The following HSD17B3 variants were observed in gnomAD, a reference collection of about 807,000 sequenced individuals.
HSD17B3 encodes hydroxysteroid 17-beta dehydrogenase 3, also known as 17-beta-hydroxysteroid dehydrogenase type 3.
A neutral mutation model predicts 41.1 loss-of-function variants in HSD17B3; 29 were observed. The observed-to-expected ratio is 0.71, with a 90% CI of 0.53 to 0.96. HSD17B3 has a LOEUF of 0.96. HSD17B3 is among the 40% of genes least tolerant of loss of function. HSD17B3 has a pLI of 0.00. For missense variants in HSD17B3, 323 were observed against 374.6 expected (o/e 0.86, Z 1.14); for synonymous variants, 126 against 145.6 (o/e 0.87, Z 0.97).
chr9:96,261,980 A>G (rs925464757), intron 2 of HSD17B3, among the ~76,000 whole-genome samples: 1 of 152,182 alleles, frequency 6.6e-6, no homozygotes, highest in African/African-American at 2.4e-5. Flanking sequence ...CTACGAAGTG[A>G]AACCATGTTT....
rs1263935409 is a variant in HSD17B3 at position 96,278,551 on chromosome 9, G to A, written c.201+19865C>T. Reference sequence around the variant, plus strand: ...TGTGGAGAGGGTGGGTGCTGCGTGGGGCTTGAGTGGGGCCACCCTGCTTGT... The same window carrying A: ...TGTGGAGAGGGTGGGTGCTGCGTGGAGCTTGAGTGGGGCCACCCTGCTTGT... On this transcript the variant is annotated intron_variant, in intron 2 of 10. Coordinates refer to ENST00000375263, the MANE Select transcript of HSD17B3 (RefSeq NM_000197.2). 2.6e-5 allele frequency among the ~76,000 whole-genome samples: 4 copies of A among 152,048 alleles called. No homozygotes were observed. In the East Asian group the frequency reaches 7.7e-4, roughly 29 times the overall value.
In HSD17B3 at chr9:96,289,992, C is replaced by T. The variant is rs563781832; in HGVS notation, c.201+8424G>A. Among the ~76,000 whole-genome samples the T allele has an allele frequency of 3.3e-5, 5 of 152,078 alleles. No homozygotes were observed. The East Asian group carries it at 9.7e-4, about 29-fold the overall frequency. On this transcript the variant is annotated intron_variant, in intron 2 of 10. Coordinates refer to ENST00000375263, the MANE Select transcript of HSD17B3 (RefSeq NM_000197.2). ...GGTGCTTGTAGCTGCTAATCTACAG[C>T]GGGTAGTGGGAATGCCAGGAAAAAC...
intron 1 of HSD17B3, among the ~76,000 whole-genome samples, chr9:96,299,358 G>A (rs772410280): frequency 8.5e-5 from 13 of 152,248 alleles, no homozygotes; most frequent in East Asian, 1.9e-4. Context: ...GTGTCTGTTC[G>A]TTTAGGAACT....
intron 6 of HSD17B3, among the ~76,000 whole-genome samples, chr9:96,246,873 T>C (rs751006131): frequency 2.8e-4 from 42 of 152,126 alleles, no homozygotes; most frequent in Non-Finnish European, 3.5e-4. Context: ...AGTGAAAAAT[T>C]GGGGGAATTG....
intron 2 of HSD17B3, among the ~76,000 whole-genome samples, chr9:96,272,405 C>CTCTCTCTCTATATATA (rs1239816824): frequency 9.3e-5 from 2 of 21,538 alleles, no homozygotes; most frequent in Non-Finnish European, 1.8e-4. Context: ...CTCTCTCTCT[C>CTCTCTCTCTATATATA]TATATATATA....
intron 2 of HSD17B3, among the ~76,000 whole-genome samples, chr9:96,297,224 T>C (rs1827398531): frequency 6.6e-6 from 1 of 152,106 alleles, no homozygotes. Flanking sequence ...CAATGGAATT[T>C]TACAGTTTTC....
chr9:96,294,454 G>A (rs1827272897), intron 2 of HSD17B3, among the ~76,000 whole-genome samples: 1 of 152,182 alleles, frequency 6.6e-6, no homozygotes, highest in African/African-American at 2.4e-5. Flanking sequence ...ATTGCTTTGT[G>A]AAACAATAAA....
chr9:96,276,468 A>T (rs2130770188), intron 2 of HSD17B3, among the ~76,000 whole-genome samples: 1 of 152,314 alleles, frequency 6.6e-6, no homozygotes, highest in African/African-American at 2.4e-5. Flanking sequence ...CAAGAAGAAC[A>T]AAGTGGGAAG....
At chr9:96,242,129 T>C (rs1238560167) in intron 9 of HSD17B3, among the ~76,000 whole-genome samples, 1 of 152,146 alleles carries the variant, frequency 6.6e-6, no homozygotes, top group Non-Finnish European at 1.5e-5. Flanking sequence ...TATGAATCAA[T>C]TAATCCAAAT....
chr9:96,295,869 A>G (rs1442632043), intron 2 of HSD17B3, among the ~76,000 whole-genome samples: 1 of 152,022 alleles, frequency 6.6e-6, no homozygotes, highest in African/African-American at 2.4e-5. Context: ...CTAACCCCCA[A>G]TGAGATGACA....
At chr9:96,289,997 A>G (rs972385251) in intron 2 of HSD17B3, among the ~76,000 whole-genome samples, 10 of 152,102 alleles carry the variant, frequency 6.6e-5, no homozygotes, top group African/African-American at 2.4e-4. Context: ...TACAGCGGGT[A>G]GTGGGAATGC....
At chr9:96,278,324 C>T (rs1465352261) in intron 2 of HSD17B3, among the ~76,000 whole-genome samples, 2 of 152,094 alleles carry the variant, frequency 1.3e-5, no homozygotes, top group African/African-American at 4.8e-5. Context: ...CGTTCGTTAA[C>T]TTGATTATGG....
rs779510189 is a variant in HSD17B3 at position 96,302,137 on chromosome 9, C to T, written c.-33G>A. The T allele has an allele frequency of 2.2e-5, 36 of 1,610,324 alleles. No individual in the cohort carries two copies. The highest frequency in any genetic ancestry group is 3.0e-5 in the Non-Finnish European group (35 of 1,178,218). ...CTCAACAGACTGTTTCAGCCCTGGC[C>T]GTGGCTCTCTGTGTATGCCTCCTGG... On this transcript the variant is annotated 5_prime_UTR_variant, in exon 1 of 11. Coordinates refer to ENST00000375263, the MANE Select transcript of HSD17B3 (RefSeq NM_000197.2).
chr9:96,252,279 T>C (rs1825448329), intron 4 of HSD17B3, among the ~76,000 whole-genome samples: 1 of 152,160 alleles, frequency 6.6e-6, no homozygotes, highest in African/African-American at 2.4e-5. Context: ...GTGCAGTGGC[T>C]CACACCTGTA....
intron 2 of HSD17B3, among the ~76,000 whole-genome samples, chr9:96,264,383 A>G (rs1825972201): frequency 6.6e-6 from 1 of 152,202 alleles, no homozygotes; most frequent in Non-Finnish European, 1.5e-5. Flanking sequence ...GTATGGATCA[A>G]TGATAATAAC....
intron 2 of HSD17B3, among the ~76,000 whole-genome samples, chr9:96,295,128 T>C (rs1827300145): frequency 6.8e-6 from 1 of 146,162 alleles, no homozygotes; most frequent in South Asian, 2.2e-4. Flanking sequence ...TGCCTCAGCC[T>C]CCTGAGTAGC....
intron 3 of HSD17B3, among the ~76,000 whole-genome samples, chr9:96,253,793 T>C (rs1017446316): frequency 2.4e-4 from 36 of 152,152 alleles, no homozygotes; most frequent in Non-Finnish European, 1.8e-4. Flanking sequence ...AAAAGGATGA[T>C]AAAAAGCACA....
intron 2 of HSD17B3, among the ~76,000 whole-genome samples, chr9:96,274,439 C>T (rs116020845): frequency 0.027 from 4,067 of 152,110 alleles, 188 homozygotes; most frequent in African/African-American, 0.092. Flanking sequence ...ACAGCCTGGG[C>T]GGCTGAGTGA....
intron 2 of HSD17B3, among the ~76,000 whole-genome samples, chr9:96,269,232 T>C (rs1343020318): frequency 6.6e-6 from 1 of 152,102 alleles, no homozygotes; most frequent in Non-Finnish European, 1.5e-5. Context: ...AGCAAAAATA[T>C]AGTAAAAATA....
Sources: gnomAD v4.1 joint callset for allele counts (sites outside exome capture counted in the v4.1 genomes callset) on GRCh38, gnomAD v4.1.1 for gene constraint, MANE v1.5 for transcripts, NCBI Gene and HGNC (gene_info 2026-07-23, HGNC 2026-07-21) for gene names.